Variants in ESR1 observed in about 807,000 individuals in gnomAD.
ESR1 encodes estrogen receptor.
ESR1 carries 12 observed loss-of-function variants against 52.7 expected under a neutral mutation model. The ratio of observed to expected loss-of-function variants is 0.23; its 90% CI spans 0.15 to 0.37. The LOEUF is 0.37. Among genes scored for constraint, ESR1 ranks in the 10% least tolerant of loss-of-function variants. The pLI, the probability that ESR1 is intolerant of heterozygous loss-of-function variation, is 1.00. For missense variants in ESR1, 584 were observed against 779.7 expected (o/e 0.75, Z 2.99); for synonymous variants, 305 against 316.8 (o/e 0.96, Z 0.39).
chr6:152,107,846 G>A (rs2051084297), downstream of ESR1, among the ~76,000 whole-genome samples: 1 of 152,052 alleles, frequency 6.6e-6, no homozygotes, highest in African/African-American at 2.4e-5. Flanking sequence ...TGATATTTCT[G>A]CTAGGTTCTT....
chr6:151,898,396 T>C lies in ESR1; in HGVS notation c.760+17625T>C, dbSNP rs914374849. Among the ~76,000 whole-genome samples the C allele has an allele frequency of 1.3e-5, 2 of 151,584 alleles. 1 individual carries two copies. Among genetic ancestry groups the C allele is most frequent in the South Asian group, 4.2e-4 (2 of 4,812 alleles). ...GGAGGTTTTGTTCATTTTTTTTTTT[T>C]TTTCTTTTCTTTTTTTTTTTTAATT... On this transcript the variant is annotated intron_variant, in intron 3 of 7. Coordinates refer to ENST00000206249, the MANE Select transcript of ESR1 (RefSeq NM_000125.4).
chr6:151,914,006 C>G (rs1025185786), intron 3 of ESR1, among the ~76,000 whole-genome samples: 8 of 151,946 alleles, frequency 5.3e-5, no homozygotes, highest in African/African-American at 1.9e-4. Flanking sequence ...TGTGCTTTCT[C>G]CTTGCAAAAT....
chr6:151,678,581 G>T (rs914383074), intron 1 of ESR1, among the ~76,000 whole-genome samples: 3 of 152,030 alleles, frequency 2.0e-5, no homozygotes, highest in Admixed American at 1.3e-4. Flanking sequence ...GCAAAGCCAA[G>T]TTGGGAACCA....
intron 1 of ESR1, among the ~76,000 whole-genome samples, chr6:151,670,762 G>GTTTTTT (rs35606990): frequency 1.1e-3 from 91 of 85,738 alleles, no homozygotes; most frequent in South Asian, 1.8e-3. Flanking sequence ...TTTTGTTTTC[G>GTTTTTT]TTTTTTTTTT....
chr6:151,783,659 G>T (rs1786757148), intron 2 of ESR1, among the ~76,000 whole-genome samples: 1 of 152,130 alleles, frequency 6.6e-6, no homozygotes, highest in Admixed American at 6.6e-5. Flanking sequence ...CCCACACCCA[G>T]CTCCCGTATT....
chr6:152,075,392 A>G (rs985514559), intron 6 of ESR1, among the ~76,000 whole-genome samples: 2 of 152,204 alleles, frequency 1.3e-5, no homozygotes, highest in Non-Finnish European at 1.5e-5. Flanking sequence ...CCAATGTAAT[A>G]TAACCTTCCT....
chr6:152,012,464 A>G (rs1471767208), intron 5 of ESR1, among the ~76,000 whole-genome samples: 3 of 151,900 alleles, frequency 2.0e-5, no homozygotes, highest in African/African-American at 7.3e-5. Context: ...CTTTACATAT[A>G]TTATCTCATT....
intron 4 of ESR1, among the ~76,000 whole-genome samples, chr6:151,989,617 G>C (rs1370773418): frequency 6.6e-6 from 1 of 152,074 alleles, no homozygotes; most frequent in Non-Finnish European, 1.5e-5. Context: ...GACTGGCTTA[G>C]GGTCTAAATA....
At chr6:151,982,630 G>A (rs1421279279) in intron 4 of ESR1, among the ~76,000 whole-genome samples, 11 of 151,414 alleles carry the variant, frequency 7.3e-5, no homozygotes, top group African/African-American at 1.7e-4. Flanking sequence ...GACTATAGGC[G>A]CCCGCCACCA....
intron 6 of ESR1, among the ~76,000 whole-genome samples, chr6:152,068,138 A>G (rs2048113248): frequency 6.6e-6 from 1 of 152,254 alleles, no homozygotes; most frequent in African/African-American, 2.4e-5. Flanking sequence ...GAGGCTACCA[A>G]GGATGTGGCC....
At chr6:151,689,366 C>A (rs896177083), upstream of ESR1, among the ~76,000 whole-genome samples, 1 of 152,124 alleles carries the variant, frequency 6.6e-6, no homozygotes, top group Non-Finnish European at 1.5e-5. Flanking sequence ...CATGATTATT[C>A]CTTGTGTAAG....
In ESR1 at chr6:151,736,375, G is replaced by GTTTTTTTTTTT. The variant is rs10624912; in HGVS notation, c.-71+34375_-71+34385dup. Among the ~76,000 whole-genome samples, 158 of 112,678 alleles carry GTTTTTTTTTTT rather than the reference G, an allele frequency of 1.4e-3. 27 individuals carry two copies. The highest frequency in any genetic ancestry group is 5.7e-3 in the African/African-American group (148 of 26,136). The allele number at this position is 112,678 out of a possible 152,430, so 73.9% of individuals were successfully genotyped here. A position where few individuals can be genotyped will look rare whatever the true frequency, so the allele number is the denominator to read the frequency against. On this transcript the variant is annotated intron_variant, in intron 2 of 2. Transcript: ENST00000404742. The stretch of plus-strand genomic sequence containing the variant: ...AAATACTTACTGTATTCCAGGTAGT[G>GTTTTTTTTTTT]TTTTTTTTTTTTTTTGAGATGGAGT...
At chr6:151,996,381 C>T (rs879702543) in intron 4 of ESR1, among the ~76,000 whole-genome samples, 33 of 152,038 alleles carry the variant, frequency 2.2e-4, no homozygotes, top group Non-Finnish European at 4.0e-4. Context: ...TGTTAGTACC[C>T]GCTTGTGTGG....
At chr6:151,982,822 CTTTGT>C (rs1270256636) in intron 4 of ESR1, among the ~76,000 whole-genome samples, 1 of 151,986 alleles carries the variant, frequency 6.6e-6, no homozygotes, top group Non-Finnish European at 1.5e-5. Flanking sequence ...ATTTTGCATT[CTTTGT>C]TTTGTACCAT....
intron 6 of ESR1, among the ~76,000 whole-genome samples, chr6:152,066,206 AAGT>A (rs2047954357): frequency 6.6e-6 from 1 of 152,216 alleles, no homozygotes; most frequent in Admixed American, 6.5e-5. Context: ...CTGGTCAAGG[AAGT>A]ATTTGTTTCA....
Position 152,099,999 on chromosome 6 carries a change from G to A in ESR1, c.*1033G>A. The stretch of plus-strand genomic sequence containing the variant: ...GGGCATGGAGCTGAACAGTACTTGT[G>A]CAGGATTGTTGTGGCTACTAGAGAA... On this transcript the variant is annotated 3_prime_UTR_variant, in exon 8 of 8. Transcript: ENST00000206249. The A allele has an allele frequency of 5.0e-6, 2 of 398,802 alleles. No homozygotes were observed. Among genetic ancestry groups the A allele is most frequent in the Admixed American group, 8.8e-5 (2 of 22,744 alleles). 24.7% of individuals were successfully genotyped at this position (398,802 alleles called of 1,614,324 possible).
intron 6 of ESR1, among the ~76,000 whole-genome samples, chr6:152,076,825 T>C (rs1228142210): frequency 6.6e-6 from 1 of 152,220 alleles, no homozygotes; most frequent in Non-Finnish European, 1.5e-5. Flanking sequence ...AAGAAATTTC[T>C]AAGCAGCAAA....
intron 5 of ESR1, among the ~76,000 whole-genome samples, chr6:152,017,480 ATG>A (rs2043254956): frequency 6.7e-6 from 1 of 148,250 alleles, no homozygotes; most frequent in Non-Finnish European, 1.5e-5. Flanking sequence ...GTGTGTGTCC[ATG>A]TGTGTGTATA....
chr6:151,827,758 G>A (rs1157776388), intron 1 of ESR1, among the ~76,000 whole-genome samples: 1 of 152,140 alleles, frequency 6.6e-6, no homozygotes. Context: ...TTTCCTGAGG[G>A]GTTGGATGTG....
Sources: allele counts gnomAD v4.1 joint callset (sites outside exome capture counted in the v4.1 genomes callset), GRCh38; gene constraint gnomAD v4.1.1; transcripts MANE v1.5; gene names NCBI Gene and HGNC (gene_info 2026-07-23, HGNC 2026-07-21).